Variants in EDN2 observed in about 807,000 individuals in gnomAD.
EDN2 encodes endothelin-2.
In EDN2, 10 loss-of-function variants were observed where a neutral mutation model predicts 19.9. That is an observed-to-expected ratio of 0.50 (90% CI 0.31 to 0.85). The LOEUF is 0.85. EDN2 is among the 40% of genes least tolerant of loss of function. The probability of loss-of-function intolerance (pLI) is 0.05; values close to 1 mark genes in which losing one functional copy is unlikely to be tolerated. For missense variants in EDN2, 222 were observed against 239.3 expected (o/e 0.93, Z 0.48); for synonymous variants, 84 against 94.9 (o/e 0.89, Z 0.67).
Position 41,484,103 on chromosome 1 carries a change from G to C in EDN2, c.165C>G (p.Leu55=), listed in dbSNP as rs148186717. 6.8e-6 allele frequency: 11 copies of C among 1,613,658 alleles called. No homozygotes were observed. Among genetic ancestry groups the C allele is most frequent in the African/African-American group, 1.3e-5 (1 of 75,034 alleles). The change falls in exon 2 of 5, where the codon CTC becomes CTG. Residue 55 remains leucine, a synonymous_variant. Coordinates refer to ENST00000372587, the MANE Select transcript of EDN2 (RefSeq NM_001956.5). The stretch of plus-strand genomic sequence containing the variant: ...GGCAGAAGTAGACGCACTCCTTGTC[G>C]AGCCAGGAGCTGCAGGAGCAACGGC... ...RLRRCSCSSW[L]DKECVYFCHL...
chr1:41,482,408 C>T, intron 3 of EDN2, 58 bp downstream of exon 3: 3 of 1,510,554 alleles, frequency 2.0e-6, no homozygotes, highest in Non-Finnish European at 2.6e-6. Flanking sequence ...ACCTGCTCCC[C>T]AGGGCATGCC....
intron 2 of EDN2, chr1:41,482,807 C>A: frequency 2.1e-6 from 1 of 481,348 alleles, no homozygotes. Flanking sequence ...CAGGCTACTC[C>A]ACAAGGGTCC....
Position 41,483,770 on chromosome 1 carries a change from C to T in EDN2, c.221+277G>A, listed in dbSNP as rs573577177. On this transcript the variant is annotated intron_variant, in intron 2 of 4. Transcript: ENST00000372587. ...ATTACCTGTGTGATCTTGGGGGAGG[C>T]GCTTAAGCTCTCTGAGCCTCAGCAC... 493 of 342,322 alleles carry T rather than the reference C, an allele frequency of 1.4e-3. 1 individual carries two copies. The highest frequency in any genetic ancestry group is 9.7e-3 in the African/African-American group (459 of 47,502). The allele number at this position is 342,322 out of a possible 1,614,324, so 21.2% of individuals were successfully genotyped here. A position where few individuals can be genotyped will look rare whatever the true frequency, so the allele number is the denominator to read the frequency against.
At position 41,479,385 on chromosome 1, in the gene EDN2, C is replaced by G; in HGVS notation, c.*24G>C. 6.2e-7 allele frequency: 1 copy of G among 1,602,448 alleles called. No homozygotes were observed. The highest frequency in any genetic ancestry group is 8.6e-7 in the Non-Finnish European group (1 of 1,169,380). On this transcript the variant is annotated 3_prime_UTR_variant, in exon 5 of 5. Coordinates refer to ENST00000372587, the MANE Select transcript of EDN2 (RefSeq NM_001956.5). Reference sequence around the variant, plus strand: ...TCCTCTCTCCCCGCGGGCTTCCTTCCCAATGTTCCTCCAGCTCACGACACT... The same window carrying G: ...TCCTCTCTCCCCGCGGGCTTCCTTCGCAATGTTCCTCCAGCTCACGACACT...
Position 41,484,054 on chromosome 1 carries a change from T to A in EDN2, c.214A>T (p.Thr72Ser), listed in dbSNP as rs1569592480. Reference sequence around the variant, plus strand: ...ATCCCCATGGATGCTCACTCAGGAGTGTTCACCCAGATGATGTCCAAGTGG... The same window carrying A: ...ATCCCCATGGATGCTCACTCAGGAGAGTTCACCCAGATGATGTCCAAGTGG... Reference protein sequence around the residue: ...FCHLDIIWVNTPEQTAPYGLG... With the variant: ...FCHLDIIWVNSPEQTAPYGLG... The change falls in exon 2 of 5, where the codon ACT (threonine) becomes TCT (serine). Residue 72 changes from threonine (T) to serine (S), a missense_variant. Physicochemically the swap from Thr to Ser is moderately conservative, Grantham distance 58. Transcript: ENST00000372587. 9.4e-6 allele frequency: 15 copies of A among 1,597,696 alleles called. No homozygotes were observed. Among genetic ancestry groups the A allele is most frequent in the Non-Finnish European group, 1.3e-5 (15 of 1,173,456 alleles).
rs1371646233 is a variant in EDN2 at position 41,484,221 on chromosome 1, A to G, written c.65-18T>C. 3 of 1,608,946 alleles carry G rather than the reference A, an allele frequency of 1.9e-6. No homozygotes were observed. In the South Asian group the frequency reaches 3.3e-5, roughly 18 times the overall value. On this transcript the variant is annotated intron_variant, in intron 1 of 4. Transcript: ENST00000372587. Reference sequence around the variant, plus strand: ...GCCCTTCCCTGCATGCACAGGAGGGAGAGAGAGGTGGAGAGGTGGGTTGGG... The same window carrying G: ...GCCCTTCCCTGCATGCACAGGAGGGGGAGAGAGGTGGAGAGGTGGGTTGGG...
chr1:41,479,683 C>T (rs1644230873), intron 4 of EDN2, among the ~76,000 whole-genome samples, 181 bp from the exon 5 acceptor site: 1 of 152,210 alleles, frequency 6.6e-6, no homozygotes, highest in Non-Finnish European at 1.5e-5. Flanking sequence ...CAGGCCAGCC[C>T]AGGCGTTGAA....
At chr1:41,481,269 G>A in intron 3 of EDN2, 76 bp from the exon 4 acceptor site, 3 of 1,241,844 alleles carry the variant, frequency 2.4e-6, no homozygotes, top group Non-Finnish European at 3.5e-6. Context: ...GCCCAGCCCA[G>A]CCCCCACCCC....
rs1644277729 is a variant in EDN2, at chr1:41,484,648, T to C, written c.-47A>G. 1.3e-6 allele frequency: 2 copies of C among 1,547,544 alleles called. No homozygotes were observed. The highest frequency in any genetic ancestry group is 1.4e-5 in the African/African-American group (1 of 73,126). On this transcript the variant is annotated 5_prime_UTR_variant, in exon 1 of 5. Transcript: ENST00000372587. ...CTGGACTGGAGCAGGGAGTGCCTGT[T>C]GCCAGCGTCCTGCTATTAAGCTGAG...
chr1:41,483,948 A>C, intron 2 of EDN2, 99 bp downstream of exon 2: 50 of 1,274,370 alleles, frequency 3.9e-5, no homozygotes, highest in Non-Finnish European at 4.8e-5. Flanking sequence ...AGGCCCAGGG[A>C]GAGATGGAAT....
chr1:41,481,008 A>G (rs1644242567), intron 4 of EDN2, 87 bp downstream of exon 4: 8 of 1,146,968 alleles, frequency 7.0e-6, no homozygotes, highest in South Asian at 6.9e-5. Flanking sequence ...CCCAATGAGG[A>G]CCCAGGCCTG....
chr1:41,479,336 C>T lies in EDN2; in HGVS notation c.*73G>A. The T allele has an allele frequency of 7.6e-7, 1 of 1,318,466 alleles. No homozygotes were observed. Among genetic ancestry groups the T allele is most frequent in the Non-Finnish European group, 1.1e-6 (1 of 918,716 alleles). 81.7% of individuals were successfully genotyped at this position (1,318,466 alleles called of 1,614,324 possible). ...CGGTCCAGGAAGCAGGCAGAGAGTCCACAAGCCCTGGCCACTTCTCTCCTC... is the reference window on the plus strand; with the variant it reads ...CGGTCCAGGAAGCAGGCAGAGAGTCTACAAGCCCTGGCCACTTCTCTCCTC... On this transcript the variant is annotated 3_prime_UTR_variant, in exon 5 of 5. Transcript: ENST00000372587.
chr1:41,484,490 A>C (rs1644274826), intron 1 of EDN2, 48 bp downstream of exon 1: 1 of 1,548,400 alleles, frequency 6.5e-7, no homozygotes, highest in South Asian at 1.2e-5. Context: ...AGACAGAGAT[A>C]GGCAGACCCA....
intron 1 of EDN2, 126 bp downstream of exon 1, chr1:41,484,412 C>A: frequency 7.3e-7 from 1 of 1,373,666 alleles, no homozygotes; most frequent in Non-Finnish European, 9.9e-7. Context: ...TCCCCTGCCA[C>A]CACTGCCGCC....
intron 4 of EDN2, among the ~76,000 whole-genome samples, chr1:41,479,916 T>C (rs889203103): frequency 2.0e-5 from 3 of 152,178 alleles, no homozygotes; most frequent in African/African-American, 7.2e-5. Flanking sequence ...CGAGGTCCAG[T>C]TCAAGGTAGT....
At chr1:41,482,647 A>G (rs1644258516) in intron 2 of EDN2, 59 bp from the exon 3 acceptor site, 11 of 1,496,606 alleles carry the variant, frequency 7.3e-6, no homozygotes, top group South Asian at 5.3e-5. Flanking sequence ...GAGAGAGAGA[A>G]AAAAATAAAG....
At chr1:41,482,796 AC>A in intron 2 of EDN2, 2 of 535,914 alleles carry the variant, frequency 3.7e-6, no homozygotes, top group Non-Finnish European at 5.8e-6. Flanking sequence ...CACTGAAGTC[AC>A]AGGCTACTCC....
chr1:41,483,461 G>T (rs1644265467), intron 2 of EDN2, among the ~76,000 whole-genome samples: 1 of 152,244 alleles, frequency 6.6e-6, no homozygotes, highest in Non-Finnish European at 1.5e-5. Flanking sequence ...CCTGGAGGCA[G>T]TGCGGGTGCA....
intron 2 of EDN2, 138 bp downstream of exon 2, chr1:41,483,909 T>A (rs1644268997): frequency 2.3e-6 from 2 of 887,562 alleles, no homozygotes; most frequent in Non-Finnish European, 3.4e-6. Flanking sequence ...AACAATTAAC[T>A]ATTGATATTA....
Sources: allele counts gnomAD v4.1 joint callset (sites outside exome capture counted in the v4.1 genomes callset), GRCh38; gene constraint gnomAD v4.1.1; transcripts MANE v1.5; gene names NCBI Gene and HGNC (gene_info 2026-07-23, HGNC 2026-07-21).